The following RBM19 variants were observed in gnomAD, a reference collection of about 807,000 sequenced individuals.
RBM19 encodes probable RNA-binding protein 19.
In RBM19, 94 loss-of-function variants were observed where a neutral mutation model predicts 116.8. That is an observed-to-expected ratio of 0.80 (90% CI 0.68 to 0.95). The LOEUF (loss-of-function observed/expected upper bound fraction) is 0.95. RBM19 is among the 40% of genes least tolerant of loss of function. RBM19 has a pLI of 0.00. For missense variants in RBM19, 1,161 were observed against 1,220.7 expected (o/e 0.95, Z 0.73); for synonymous variants, 475 against 494.1 (o/e 0.96, Z 0.51).
intron 21 of RBM19, among the ~76,000 whole-genome samples, chr12:113,866,696 C>T (rs1334436044): frequency 6.6e-6 from 1 of 152,148 alleles, no homozygotes; most frequent in Admixed American, 6.5e-5. Context: ...AGGGGCTGCA[C>T]CAAGCCCTCT....
At chr12:113,885,529 A>C (rs1203777605) in intron 21 of RBM19, among the ~76,000 whole-genome samples, 1 of 152,212 alleles carries the variant, frequency 6.6e-6, no homozygotes, top group African/African-American at 2.4e-5. Context: ...TAGCATTTGG[A>C]ATAAGATCTA....
intron 21 of RBM19, among the ~76,000 whole-genome samples, chr12:113,911,328 C>T (rs955821332): frequency 6.6e-6 from 1 of 152,106 alleles, no homozygotes. Context: ...AGAACACAGA[C>T]GAATGGGGCA....
chr12:113,880,026 TCTGA>T (rs1347103704), intron 21 of RBM19, among the ~76,000 whole-genome samples: 1 of 151,568 alleles, frequency 6.6e-6, no homozygotes, highest in Non-Finnish European at 1.5e-5. Context: ...CAGTGGTGGT[TCTGA>T]CTGTCTCCCC....
At chr12:113,902,892 G>C (rs1881792671) in intron 21 of RBM19, among the ~76,000 whole-genome samples, 1 of 152,148 alleles carries the variant, frequency 6.6e-6, no homozygotes, top group Non-Finnish European at 1.5e-5. Context: ...GGGGTTAGCA[G>C]CTTTATTGAG....
intron 23 of RBM19, among the ~76,000 whole-genome samples, chr12:113,842,435 T>A (rs926893519): frequency 6.6e-6 from 1 of 152,144 alleles, no homozygotes; most frequent in Non-Finnish European, 1.5e-5. Flanking sequence ...GGATTTGGGG[T>A]CTTATTGAGT....
chr12:113,902,342 C>A (rs1386051837), intron 21 of RBM19, among the ~76,000 whole-genome samples: 1 of 152,102 alleles, frequency 6.6e-6, no homozygotes, highest in Non-Finnish European at 1.5e-5. Context: ...TGGCTCACAC[C>A]TGTAATCCCA....
chr12:113,890,319 C>T (rs1448499742), intron 21 of RBM19, among the ~76,000 whole-genome samples: 1 of 152,136 alleles, frequency 6.6e-6, no homozygotes, highest in African/African-American at 2.4e-5. Flanking sequence ...TTTTCTTTTC[C>T]TCCCCTGGCA....
intron 21 of RBM19, among the ~76,000 whole-genome samples, chr12:113,900,353 G>A (rs1281507237): frequency 1.3e-5 from 2 of 152,202 alleles, no homozygotes; most frequent in Non-Finnish European, 2.9e-5. Context: ...TGCAGCTGTT[G>A]ACTTATCAAA....
At chr12:113,862,364 G>A (rs1878465629) in intron 21 of RBM19, among the ~76,000 whole-genome samples, 7 of 152,192 alleles carry the variant, frequency 4.6e-5, no homozygotes, top group Admixed American at 4.6e-4. Flanking sequence ...AAGCTGGACA[G>A]TGAGTGGCTT....
chr12:113,920,722 G>A (rs376118231), intron 18 of RBM19, 32 bp from the exon 19 acceptor site: 20 of 1,593,560 alleles, frequency 1.3e-5, no homozygotes, highest in Non-Finnish European at 1.7e-5. Flanking sequence ...CACACCAGTC[G>A]GTGAAGCGGA....
chr12:113,856,805 G>A (rs1016893783), intron 22 of RBM19, among the ~76,000 whole-genome samples: 12 of 152,160 alleles, frequency 7.9e-5, no homozygotes, highest in Admixed American at 2.6e-4. Flanking sequence ...GTATGTAGGG[G>A]CCAGGCCCTG....
At chr12:113,907,593 G>A (rs910085652) in intron 21 of RBM19, among the ~76,000 whole-genome samples, 5 of 152,224 alleles carry the variant, frequency 3.3e-5, no homozygotes, top group Admixed American at 1.3e-4. Context: ...CCAGCCCTCC[G>A]AGGGGGTCAA....
chr12:113,835,629 A>T (rs1241333515), intron 23 of RBM19, among the ~76,000 whole-genome samples: 2 of 152,170 alleles, frequency 1.3e-5, no homozygotes, highest in Non-Finnish European at 2.9e-5. Context: ...TGTTTGCTGG[A>T]GGCCGGCGAC....
chr12:113,964,829 G>A (rs1302386297), intron 1 of RBM19, among the ~76,000 whole-genome samples: 1 of 152,080 alleles, frequency 6.6e-6, no homozygotes, highest in Non-Finnish European at 1.5e-5. Flanking sequence ...CCTGGACAGA[G>A]AGGGAAGGTA....
chr12:113,920,764 G>A, intron 18 of RBM19, 74 bp from the exon 19 acceptor site: 2 of 1,356,548 alleles, frequency 1.5e-6, no homozygotes, highest in Non-Finnish European at 2.1e-6. Flanking sequence ...GCTGTGACGG[G>A]CCCCCAGACC....
intron 6 of RBM19, among the ~76,000 whole-genome samples, chr12:113,957,160 C>T (rs1466965292): frequency 6.6e-6 from 1 of 152,226 alleles, no homozygotes; most frequent in Non-Finnish European, 1.5e-5. Context: ...ACTACATCCA[C>T]AGCCTGGCAC....
chr12:113,958,824 T>TC (rs112617221), intron 5 of RBM19, among the ~76,000 whole-genome samples: 33,727 of 151,934 alleles, frequency 0.22, 4,959 homozygotes, highest in African/African-American at 0.41. Flanking sequence ...AATTCTCCTG[T>TC]CGCCTTTCCT....
intron 21 of RBM19, among the ~76,000 whole-genome samples, chr12:113,871,557 G>C (rs1000953509): frequency 6.6e-6 from 1 of 152,240 alleles, no homozygotes; most frequent in Non-Finnish European, 1.5e-5. Context: ...AGTGGGTATG[G>C]CTAGGTGCCA....
intron 22 of RBM19, among the ~76,000 whole-genome samples, chr12:113,848,714 C>T (rs149328414): frequency 6.6e-6 from 1 of 152,218 alleles, no homozygotes; most frequent in East Asian, 1.9e-4. Context: ...TACACTTGAC[C>T]CCACTGAAAC....
Sources: allele counts gnomAD v4.1 joint callset (sites outside exome capture counted in the v4.1 genomes callset), GRCh38; gene constraint gnomAD v4.1.1; transcripts MANE v1.5; gene names NCBI Gene and HGNC (gene_info 2026-07-23, HGNC 2026-07-21).